The following PLXNB1 variants were observed in gnomAD, a reference collection of about 807,000 sequenced individuals.
PLXNB1 encodes the protein plexin-B1.
Under a neutral mutation model 209.4 loss-of-function variants are expected in PLXNB1, and 106 were observed. The ratio of observed to expected loss-of-function variants is 0.51; its 90% CI spans 0.43 to 0.59. The LOEUF (loss-of-function observed/expected upper bound fraction) is 0.59. Ranked by LOEUF, PLXNB1 falls within the 20% of genes least tolerant of loss-of-function variation. The pLI is 0.00. For missense variants in PLXNB1, 2,357 were observed against 2,853.2 expected (o/e 0.83, Z 3.96); for synonymous variants, 1,167 against 1,183.2 (o/e 0.99, Z 0.28).
In PLXNB1 at chr3:48,422,955, C is replaced by T; in HGVS notation, c.1108-8G>A. The stretch of plus-strand genomic sequence containing the variant: ...ATAAGCATCCAGGGTGTCCTATAGG[C>T]AGCAAGAAGCATCAGGAAGGCCCTC... On this transcript the variant is annotated splice_region_variant and splice_polypyrimidine_tract_variant and intron_variant, in intron 3 of 37. Transcript: ENST00000296440. 1.9e-6 allele frequency: 3 copies of T among 1,607,582 alleles called. No individual in the cohort carries two copies. The highest frequency in any genetic ancestry group is 2.6e-6 in the Non-Finnish European group (3 of 1,175,538).
At chr3:48,414,197 C>T (rs993024977) in intron 21 of PLXNB1, 126 bp from the exon 22 acceptor site, 6 of 820,726 alleles carry the variant, frequency 7.3e-6, no homozygotes, top group South Asian at 4.6e-5. Flanking sequence ...GCACCCTTCC[C>T]GAGTGCAGGC....
chr3:48,424,498 C>T lies in PLXNB1; in HGVS notation c.114G>A (p.Leu38=), dbSNP rs1394042719. 1 of 1,603,502 alleles carries T rather than the reference C, an allele frequency of 6.2e-7. No homozygotes were observed. Among genetic ancestry groups the T allele is most frequent in the African/African-American group, 1.3e-5 (1 of 74,780 alleles). The part of the protein sequence containing the change: ...FTPNGTYLQH[L]ARDPTSGTLY... ...GGGTGCCTGAGGTGGGGTCCCTTGC[C>T]AGGTGCTGCAGATACGTGCCATTGG... The change falls in exon 3 of 38, where the codon CTG becomes CTA. Residue 38 remains leucine (L), a synonymous_variant. Transcript: ENST00000296440.
intron 3 of PLXNB1, 59 bp from the exon 4 acceptor site, chr3:48,423,006 G>T: frequency 6.7e-7 from 1 of 1,493,526 alleles, no homozygotes; most frequent in Non-Finnish European, 9.2e-7. Flanking sequence ...CGGCCGCATC[G>T]TCCCTGGACA....
In PLXNB1 at chr3:48,414,995, C is replaced by A; in HGVS notation, c.4013G>T (p.Arg1338Leu). ...AGGCAGGCCTGGGAGGGCAGGTGTG[C>A]GGCACGTGATGAGCTGGGAGGAGTT... ...HVNSSQLITC[R>L]TPALPGLPED... is the part of the protein sequence containing the mutation. Residue 1338 changes from arginine (R) to leucine (L), a missense_variant, in exon 21 of 38, where the codon CGC becomes CTC. Coordinates refer to ENST00000296440, the MANE Select transcript of PLXNB1 (RefSeq NM_001130082.3). The A allele has an allele frequency of 2.5e-6, 4 of 1,613,548 alleles. No individual in the cohort carries two copies. The highest frequency in any genetic ancestry group is 1.1e-5 in the South Asian group (1 of 91,076).
chr3:48,422,058 G>T, intron 6 of PLXNB1, 47 bp downstream of exon 6: 1 of 1,504,750 alleles, frequency 6.6e-7, no homozygotes, highest in Non-Finnish European at 9.2e-7. Context: ...TTATGCAGGA[G>T]CATTGTGGGC....
chr3:48,422,657 A>C, intron 4 of PLXNB1, 108 bp downstream of exon 4: 1 of 1,305,386 alleles, frequency 7.7e-7, no homozygotes, highest in Non-Finnish European at 1.1e-6. Context: ...AGCTCAGGTC[A>C]TCTCTCCTGG....
chr3:48,414,987 C>A lies in PLXNB1; in HGVS notation c.4021G>T (p.Ala1341Ser), dbSNP rs775060441. 96 of 1,613,614 alleles carry A rather than the reference C, an allele frequency of 5.9e-5. 1 individual carries two copies. In the East Asian group the frequency reaches 2.1e-3, roughly 35 times the overall value. The change falls in exon 21 of 38, where the codon GCC (alanine) becomes TCC (serine). Residue 1341 changes from alanine to serine, a missense_variant. This residue lies in a region of PLXNB1 where 743 missense variants were observed against 896.2 expected (regional missense o/e 0.83). Coordinates refer to ENST00000296440, the MANE Select transcript of PLXNB1 (RefSeq NM_001130082.3). ...GGGTCCTCAGGCAGGCCTGGGAGGG[C>A]AGGTGTGCGGCACGTGATGAGCTGG... ...SSQLITCRTP[A>S]LPGLPEDPWV...
In PLXNB1 at chr3:48,412,772, G is replaced by T; in HGVS notation, c.4824C>A (p.Asn1608Lys). Residue 1608 changes from asparagine to lysine, a missense_variant, in exon 25 of 38, where the codon AAC becomes AAA. By Grantham distance (94) the Asn-to-Lys change is moderately conservative. Coordinates refer to ENST00000296440, the MANE Select transcript of PLXNB1 (RefSeq NM_001130082.3). ...TGAGGAAGAGCTTGCTGTTGAGCAGGTTAGAGAGCTGCCCCAGCCCTTGCT... is the reference window on the plus strand; with the variant it reads ...TGAGGAAGAGCTTGCTGTTGAGCAGTTTAGAGAGCTGCCCCAGCCCTTGCT... ...TVEQGLGQLSNLLNSKLFLTK... is the reference protein window; with the variant it reads ...TVEQGLGQLSKLLNSKLFLTK... 6.2e-7 allele frequency: 1 copy of T among 1,613,510 alleles called. No homozygotes were observed. Among genetic ancestry groups the T allele is most frequent in the Non-Finnish European group, 8.5e-7 (1 of 1,180,006 alleles).
chr3:48,424,087 C>A lies in PLXNB1; in HGVS notation c.525G>T (p.Arg175Ser). The change falls in exon 3 of 38, where the codon AGG becomes AGT. Residue 175 changes from arginine (R) to serine (S), a missense_variant. Physicochemically the swap from Arg to Ser is moderately radical, Grantham distance 110. Transcript: ENST00000296440. ...LLFVGRGYTSRGVGGGIPPIT... is the reference protein window; with the variant it reads ...LLFVGRGYTSSGVGGGIPPIT... ...TGGGTGGAATGCCACCCCCCACACCCCTGCTGGTGTATCCTCGCCCCACAA... is the reference window on the plus strand; with the variant it reads ...TGGGTGGAATGCCACCCCCCACACCACTGCTGGTGTATCCTCGCCCCACAA... 1 of 1,565,248 alleles carries A rather than the reference C, an allele frequency of 6.4e-7. No individual in the cohort carries two copies. Among genetic ancestry groups the A allele is most frequent in the East Asian group, 2.4e-5 (1 of 42,288 alleles).
Position 48,423,603 on chromosome 3 carries a change from G to C in PLXNB1, c.1009C>G (p.Arg337Gly). The change falls in exon 3 of 38, where the codon CGA becomes GGA. Residue 337 changes from arginine to glycine, a missense_variant. Coordinates refer to ENST00000296440, the MANE Select transcript of PLXNB1 (RefSeq NM_001130082.3). Reference protein sequence around the residue: ...DEVDRLANRTRDACYTREGRA... With the variant: ...DEVDRLANRTGDACYTREGRA... ...CCCTCCCGGGTGTAGCAGGCATCTCGCGTGCGATTAGCAAGCCGGTCCACC... is the reference window on the plus strand; with the variant it reads ...CCCTCCCGGGTGTAGCAGGCATCTCCCGTGCGATTAGCAAGCCGGTCCACC... 3 of 1,614,194 alleles carry C rather than the reference G, an allele frequency of 1.9e-6. No homozygotes were observed. Among genetic ancestry groups the C allele is most frequent in the Non-Finnish European group, 2.5e-6 (3 of 1,180,032 alleles).
Position 48,409,973 on chromosome 3 carries a change from G to C in PLXNB1, c.5710C>G (p.Arg1904Gly). The stretch of plus-strand genomic sequence containing the variant: ...TTGGCGCGCTCACGCTCCCCGCCCC[G>C]AAGGCTGCCCCTCCGAGGCCTGGGC... ...EPPRPRRGSLRGGERERAKAI... is the reference protein window; with the variant it reads ...EPPRPRRGSLGGGERERAKAI... The change falls in exon 32 of 38, where the codon CGG becomes GGG. Residue 1904 changes from arginine to glycine, a missense_variant. Physicochemically the swap from Arg to Gly is moderately radical, Grantham distance 125 (BLOSUM62 -2). Transcript: ENST00000296440. The surrounding 1 kb of genome is among the most constrained non-coding windows in gnomAD (Gnocchi z 5.8). 6.2e-7 allele frequency: 1 copy of C among 1,612,604 alleles called. No individual in the cohort carries two copies. Among genetic ancestry groups the C allele is most frequent in the Non-Finnish European group, 8.5e-7 (1 of 1,179,572 alleles).
chr3:48,405,895 G>A lies in PLXNB1; in HGVS notation c.6229-97C>T. On this transcript the variant is annotated intron_variant, in intron 36 of 37. Coordinates refer to ENST00000296440, the MANE Select transcript of PLXNB1 (RefSeq NM_001130082.3). The surrounding 1 kb of genome is among the most constrained non-coding windows in gnomAD (Gnocchi z 5.0). ...CCAGGGAAGGGCTGGGGGAGAAGGG[G>A]ACCTGAGAGGTAGAGAATGGGATGG... The A allele has an allele frequency of 1.1e-6, 1 of 912,736 alleles. No individual in the cohort carries two copies. The highest frequency in any genetic ancestry group is 1.8e-6 in the Non-Finnish European group (1 of 567,802). 56.5% of individuals were successfully genotyped at this position (912,736 alleles called of 1,614,324 possible).
chr3:48,413,887 C>T lies in PLXNB1; in HGVS notation c.4386+8G>A, dbSNP rs1560054305. 1 of 1,606,918 alleles carries T rather than the reference C, an allele frequency of 6.2e-7. No individual in the cohort carries two copies. Among genetic ancestry groups the T allele is most frequent in the South Asian group, 1.1e-5 (1 of 90,602 alleles). On this transcript the variant is annotated splice_region_variant and intron_variant, in intron 22 of 37. Transcript: ENST00000296440. This position sits in a 1 kb window ranked among gnomAD's most constrained non-coding sequence, Gnocchi z 5.4. ...ATGCCCAGCCCGGCCAGGGACCTGC[C>T]CACTGACCGTGAACTCAGGCAAAGA...
rs1484929550 is a variant in PLXNB1 at position 48,415,209 on chromosome 3, T to G, written c.3933A>C (p.Ala1311=). 1.5e-5 allele frequency: 25 copies of G among 1,613,308 alleles called. No individual in the cohort carries two copies. Among genetic ancestry groups the G allele is most frequent in the Non-Finnish European group, 2.1e-5 (25 of 1,179,978 alleles). The change falls in exon 20 of 38, where the codon GCA becomes GCC. Residue 1311 remains alanine, a synonymous_variant. Transcript: ENST00000296440. This position sits in a 1 kb window ranked among gnomAD's most constrained non-coding sequence, Gnocchi z 5.0. ...TACTGCAGGAGGGTCCAAGGGAACA[T>G]GCCGTCTCCGGGACCACGCGACGCC... The part of the protein sequence containing the change: ...GRRRRVVPET[A]CSLGPSCSSQ...
chr3:48,427,159 G>A (rs1345578278), intron 1 of PLXNB1, among the ~76,000 whole-genome samples: 2 of 152,048 alleles, frequency 1.3e-5, no homozygotes, highest in Non-Finnish European at 2.9e-5. Flanking sequence ...GCATGACAGA[G>A]CCTTGGGAGA....
chr3:48,410,956 G>A lies in PLXNB1; in HGVS notation c.5328C>T (p.Thr1776=). 6.2e-7 allele frequency: 1 copy of A among 1,613,910 alleles called. No individual in the cohort carries two copies. The highest frequency in any genetic ancestry group is 1.1e-5 in the South Asian group (1 of 91,060). Residue 1776 remains threonine (T), a synonymous_variant, in exon 29 of 38, where the codon ACC becomes ACT. Coordinates refer to ENST00000296440, the MANE Select transcript of PLXNB1 (RefSeq NM_001130082.3). This position sits in a 1 kb window ranked among gnomAD's most constrained non-coding sequence, Gnocchi z 6.4. ...GCATCTTCTCCTTTGCCTGGGAGAT[G>A]GTGTCACAGTCTAGGACCTTCACGG... is the stretch of plus-strand genomic sequence containing the variant. The part of the protein sequence containing the change: ...GVPVKVLDCD[T]ISQAKEKMLD...
In PLXNB1 at chr3:48,415,202, G is replaced by A. The variant is rs1318962974; in HGVS notation, c.3940C>T (p.Leu1314Phe). The change falls in exon 20 of 38, where the codon CTT (leucine) becomes TTT (phenylalanine). Residue 1314 changes from leucine to phenylalanine, a missense_variant. Physicochemically the swap from Leu to Phe is conservative, Grantham distance 22 (BLOSUM62 0). This residue lies in a region of PLXNB1 where 743 missense variants were observed against 896.2 expected (regional missense o/e 0.83). Coordinates refer to ENST00000296440, the MANE Select transcript of PLXNB1 (RefSeq NM_001130082.3). The surrounding 1 kb of genome is among the most constrained non-coding windows in gnomAD (Gnocchi z 5.0). ...TGCTGGCTACTGCAGGAGGGTCCAA[G>A]GGAACATGCCGTCTCCGGGACCACG... Reference protein sequence around the residue: ...RRVVPETACSLGPSCSSQQFE... With the variant: ...RRVVPETACSFGPSCSSQQFE... The A allele has an allele frequency of 3.7e-6, 6 of 1,613,280 alleles. No homozygotes were observed. Among genetic ancestry groups the A allele is most frequent in the Non-Finnish European group, 5.1e-6 (6 of 1,179,914 alleles).
In PLXNB1 at chr3:48,418,120, C is replaced by T; in HGVS notation, c.3223-58G>A. The T allele has an allele frequency of 6.2e-7, 1 of 1,607,622 alleles. No individual in the cohort carries two copies. Among genetic ancestry groups the T allele is most frequent in the Non-Finnish European group, 8.5e-7 (1 of 1,175,742 alleles). On this transcript the variant is annotated intron_variant, in intron 15 of 37. Coordinates refer to ENST00000296440, the MANE Select transcript of PLXNB1 (RefSeq NM_001130082.3). The surrounding 1 kb of genome is among the most constrained non-coding windows in gnomAD (Gnocchi z 6.6). ...CAACTGGAAAGGCAGCCCCAACCTC[C>T]CACCTTTGGGCCCCCACACCCTCCC...
In PLXNB1 at chr3:48,422,938, C is replaced by A. The variant is rs767634928; in HGVS notation, c.1117G>T (p.Asp373Tyr). Residue 373 changes from aspartate to tyrosine, a missense_variant, in exon 4 of 38, where the codon GAT becomes TAT. Asp to Tyr is a radical substitution (Grantham distance 160, BLOSUM62 -3). This residue lies in a region of PLXNB1 where 404 missense variants were observed against 443.6 expected (regional missense o/e 0.91). Coordinates refer to ENST00000296440, the MANE Select transcript of PLXNB1 (RefSeq NM_001130082.3). The stretch of plus-strand genomic sequence containing the variant: ...TGGTCTGAGCCACAGGGATAAGCAT[C>A]CAGGGTGTCCTATAGGCAGCAAGAA... ...DCAQLPVDTLDAYPCGSDHTP... is the reference protein window; with the variant it reads ...DCAQLPVDTLYAYPCGSDHTP... 3 of 1,613,294 alleles carry A rather than the reference C, an allele frequency of 1.9e-6. No homozygotes were observed. In the African/African-American group the frequency reaches 4.0e-5, roughly 22 times the overall value.
Sources: allele counts gnomAD v4.1 joint callset (sites outside exome capture counted in the v4.1 genomes callset), GRCh38; gene constraint gnomAD v4.1.1; regional missense constraint gnomAD v4.1.1; non-coding constraint Gnocchi (gnomAD v3.1); transcripts MANE v1.5; gene names NCBI Gene and HGNC (gene_info 2026-07-23, HGNC 2026-07-21).